The following GGACT variants were observed in gnomAD, a reference collection of about 807,000 sequenced individuals.
GGACT encodes the protein gamma-glutamylaminecyclotransferase.
For synonymous variants in GGACT, 118 were observed against 115.3 expected (o/e 1.02, Z -0.15); for missense variants, 241 against 233.2 (o/e 1.03, Z -0.22).
chr13:100,541,227 GCATCAGGAAAGGCAAC>G (rs1243896784), intron 2 of GGACT, among the ~76,000 whole-genome samples: 4 of 152,224 alleles, frequency 2.6e-5, no homozygotes, highest in African/African-American at 9.6e-5. Context: ...TGCAGGGCCA[GCATCAGGAAAGGCAAC>G]CTCAGAATTC....
intron 1 of GGACT, among the ~76,000 whole-genome samples, chr13:100,586,497 C>G (rs1015247446): frequency 6.6e-6 from 1 of 151,610 alleles, no homozygotes; most frequent in South Asian, 2.1e-4. Flanking sequence ...GACCCCACCC[C>G]TCCTCTCGCG....
At chr13:100,584,466 A>T (rs1205935748) in intron 1 of GGACT, among the ~76,000 whole-genome samples, 2 of 152,172 alleles carry the variant, frequency 1.3e-5, no homozygotes, top group African/African-American at 2.4e-5. Context: ...AATGATGGTT[A>T]CCAGAGGCTA....
Position 100,532,613 on chromosome 13 carries a change from G to C in GGACT, c.-10-12C>G. ...CCATCCGGGCAGAGCTGCAGGGAGAGGGGAAGTCACAGGTCAGCCCGCAGT... is the reference window on the plus strand; with the variant it reads ...CCATCCGGGCAGAGCTGCAGGGAGACGGGAAGTCACAGGTCAGCCCGCAGT... On this transcript the variant is annotated splice_polypyrimidine_tract_variant and intron_variant, in intron 2 of 2. Transcript: ENST00000683975. The C allele has an allele frequency of 6.6e-7, 1 of 1,518,004 alleles. No homozygotes were observed. Among genetic ancestry groups the C allele is most frequent in the Non-Finnish European group, 8.9e-7 (1 of 1,126,262 alleles). The allele number at this position is 1,518,004 out of a possible 1,614,324, so 94.0% of individuals were successfully genotyped here.
rs2088599942 is a variant in GGACT at position 100,545,982 on chromosome 13, A to G, written c.-10-13381T>C. Among the ~76,000 whole-genome samples the G allele has an allele frequency of 6.6e-6, 1 of 152,216 alleles. No individual in the cohort carries two copies. The highest frequency in any genetic ancestry group is 1.5e-5 in the Non-Finnish European group (1 of 68,040). On this transcript the variant is annotated intron_variant, in intron 2 of 2. Transcript: ENST00000683975. This position sits in a 1 kb window ranked among gnomAD's most constrained non-coding sequence, Gnocchi z 4.4. ...AGTGCCTTTCCCCCTCTTTTCCTCC[A>G]TCATCAGTAGGTGAAGGCAGACAGT... is the stretch of plus-strand genomic sequence containing the variant.
chr13:100,574,646 A>G (rs1479216252), intron 2 of GGACT, among the ~76,000 whole-genome samples: 1 of 152,172 alleles, frequency 6.6e-6, no homozygotes, highest in Non-Finnish European at 1.5e-5. Flanking sequence ...ACACATGGAC[A>G]TAAACCTGGG....
At chr13:100,563,777 T>A (rs2153015472) in intron 2 of GGACT, among the ~76,000 whole-genome samples, 1 of 152,308 alleles carries the variant, frequency 6.6e-6, no homozygotes, top group Admixed American at 6.5e-5. Context: ...AAGAGAAGAA[T>A]GAATTTTGTG....
At chr13:100,535,402 C>T (rs1250786205) in intron 2 of GGACT, among the ~76,000 whole-genome samples, 2 of 152,218 alleles carry the variant, frequency 1.3e-5, no homozygotes, top group African/African-American at 4.8e-5. Flanking sequence ...AGTGGGTGAG[C>T]ATAGTGGTTC....
At chr13:100,537,579 C>G (rs1413579766) in intron 2 of GGACT, 1 of 152,300 alleles carries the variant, frequency 6.6e-6, no homozygotes, top group Non-Finnish European at 1.5e-5. Flanking sequence ...GCTGGGCATG[C>G]AATGAGACTC....
At chr13:100,559,498 T>TTTTA (rs1165116104) in intron 2 of GGACT, among the ~76,000 whole-genome samples, 1 of 150,816 alleles carries the variant, frequency 6.6e-6, no homozygotes, top group Non-Finnish European at 1.5e-5. Flanking sequence ...GTACATTTTA[T>TTTTA]TTTTATTTAT....
At chr13:100,573,269 C>T (rs989757491) in intron 2 of GGACT, among the ~76,000 whole-genome samples, 1 of 152,124 alleles carries the variant, frequency 6.6e-6, no homozygotes, top group Non-Finnish European at 1.5e-5. Context: ...ATTCTAAACA[C>T]CCTGGACTAA....
At chr13:100,555,885 CA>C (rs1436779840) in intron 2 of GGACT, among the ~76,000 whole-genome samples, 2 of 152,050 alleles carry the variant, frequency 1.3e-5, no homozygotes, top group Non-Finnish European at 2.9e-5. Context: ...ATGGAAAAAC[CA>C]CATGACGATC....
intron 2 of GGACT, among the ~76,000 whole-genome samples, chr13:100,559,534 G>A (rs1486384960): frequency 2.6e-5 from 4 of 151,508 alleles, no homozygotes; most frequent in Admixed American, 1.3e-4. Context: ...TTGCTCGGTC[G>A]CCGAGGCTGG....
intron 2 of GGACT, among the ~76,000 whole-genome samples, chr13:100,542,345 C>G (rs1040863843): frequency 6.6e-6 from 1 of 152,136 alleles, no homozygotes; most frequent in Non-Finnish European, 1.5e-5. Context: ...GGGGAGAGCA[C>G]GGTTTGTGCC....
At chr13:100,576,840 C>T (rs1043892708) in intron 2 of GGACT, among the ~76,000 whole-genome samples, 3 of 152,050 alleles carry the variant, frequency 2.0e-5, no homozygotes, top group Non-Finnish European at 4.4e-5. Flanking sequence ...CTCTGTATAC[C>T]GTTGGTGATG....
chr13:100,567,283 C>T (rs1874923255), intron 2 of GGACT, among the ~76,000 whole-genome samples: 1 of 152,192 alleles, frequency 6.6e-6, no homozygotes, highest in African/African-American at 2.4e-5. Context: ...AAACCTGCCA[C>T]TTGTTCATTT....
intron 2 of GGACT, among the ~76,000 whole-genome samples, chr13:100,558,876 AC>A (rs2088733114): frequency 6.6e-6 from 1 of 152,142 alleles, no homozygotes; most frequent in African/African-American, 2.4e-5. Flanking sequence ...GCACACATTC[AC>A]AGTTAGATGA....
chr13:100,551,143 G>T (rs958830762), intron 2 of GGACT, among the ~76,000 whole-genome samples: 1 of 152,046 alleles, frequency 6.6e-6, no homozygotes, highest in Non-Finnish European at 1.5e-5. Flanking sequence ...AATTAGCCGG[G>T]TGTGGTGGCG....
chr13:100,561,942 T>C (rs1441400091), intron 2 of GGACT, among the ~76,000 whole-genome samples: 3 of 152,146 alleles, frequency 2.0e-5, no homozygotes, highest in Non-Finnish European at 4.4e-5. Flanking sequence ...ATAAAACAAA[T>C]AGGAAATCAT....
intron 2 of GGACT, among the ~76,000 whole-genome samples, chr13:100,541,492 C>T (rs939619955): frequency 6.6e-6 from 1 of 152,178 alleles, no homozygotes; most frequent in Non-Finnish European, 1.5e-5. Flanking sequence ...CCCCTTGGCC[C>T]TTCCTTATCC....
Sources: gnomAD v4.1 joint callset for allele counts (sites outside exome capture counted in the v4.1 genomes callset) on GRCh38, gnomAD v4.1.1 for gene constraint, Gnocchi (gnomAD v3.1) non-coding constraint, MANE v1.5 for transcripts, NCBI Gene and HGNC (gene_info 2026-07-23, HGNC 2026-07-21) for gene names.